KAT6B: variants seen among roughly 807,000 people sequenced by gnomAD.
KAT6B encodes the protein lysine acetyltransferase 6B, also known as histone acetyltransferase KAT6B.
In KAT6B, 10 loss-of-function variants were observed where a neutral mutation model predicts 187.5. The ratio of observed to expected loss-of-function variants is 0.05; its 90% CI spans 0.03 to 0.09. KAT6B has a LOEUF of 0.09. Ranked by LOEUF, KAT6B falls within the 10% of genes least tolerant of loss-of-function variation. KAT6B has a pLI of 1.00. For missense variants in KAT6B, 1,952 were observed against 2,558.9 expected, an observed-to-expected ratio of 0.76 and a Z score of 5.12; for synonymous variants, 861 against 926.8, an observed-to-expected ratio of 0.93 and a Z score of 1.29.
chr10:74,914,818 C>A (rs982463679), intron 3 of KAT6B, among the ~76,000 whole-genome samples: 1 of 151,920 alleles, frequency 6.6e-6, no homozygotes, highest in African/African-American at 2.4e-5. Flanking sequence ...TGGCTGGGTG[C>A]GGTGGCTTCA....
chr10:75,030,556 A>C lies in KAT6B; in HGVS notation c.5732A>C (p.Gln1911Pro), dbSNP rs768183621. 1.9e-6 allele frequency: 3 copies of C among 1,608,518 alleles called. No individual in the cohort carries two copies. The South Asian group carries it at 3.3e-5, about 18-fold the overall frequency. The change falls in exon 18 of 18, where the codon CAA (glutamine) becomes CCA (proline). Residue 1911 changes from glutamine (Q) to proline (P), a missense_variant. By Grantham distance (76) the Gln-to-Pro change is moderately conservative. Coordinates refer to ENST00000287239, the MANE Select transcript of KAT6B (RefSeq NM_012330.4). The surrounding 1 kb of genome is among the most constrained non-coding windows in gnomAD (Gnocchi z 4.8). ...AASNIGISHS[Q>P]RLQTQIASKG... is the part of the protein sequence containing the mutation. ...TCAAATATTGGCATCTCTCACAGCCAAAGACTGCAAACCCAGATTGCCAGC... is the reference window on the plus strand; with the variant it reads ...TCAAATATTGGCATCTCTCACAGCCCAAGACTGCAAACCCAGATTGCCAGC...
At chr10:74,901,598 TAA>T in intron 3 of KAT6B, among the ~76,000 whole-genome samples, 1 of 152,220 alleles carries the variant, frequency 6.6e-6, no homozygotes, top group Non-Finnish European at 1.5e-5. Flanking sequence ...CACTTTGAAT[TAA>T]ACTCTGAGTG....
chr10:74,838,521 T>G (rs1385858395), intron 1 of KAT6B, among the ~76,000 whole-genome samples, 162 bp from the exon 2 acceptor site: 1 of 152,162 alleles, frequency 6.6e-6, no homozygotes, highest in Non-Finnish European at 1.5e-5. Context: ...TTCATATTTA[T>G]AAGAATCCTT....
chr10:74,931,810 A>G (rs931433921), intron 3 of KAT6B, among the ~76,000 whole-genome samples: 3 of 152,208 alleles, frequency 2.0e-5, no homozygotes, highest in African/African-American at 7.2e-5. Flanking sequence ...TCCTGGGTTC[A>G]AGCGATTCTT....
chr10:74,869,574 C>T (rs1238430373), intron 3 of KAT6B, among the ~76,000 whole-genome samples: 4 of 152,240 alleles, frequency 2.6e-5, no homozygotes, highest in Non-Finnish European at 5.9e-5. Flanking sequence ...GCGTGAGCCA[C>T]CACGCCTGGC....
chr10:74,977,009 A>G (rs1842204761), intron 8 of KAT6B: 1 of 327,164 alleles, frequency 3.1e-6, no homozygotes. Flanking sequence ...CTATAACTAG[A>G]CATCGATAAA....
At chr10:74,833,381 G>A (rs1305374833) in intron 1 of KAT6B, among the ~76,000 whole-genome samples, 1 of 152,104 alleles carries the variant, frequency 6.6e-6, no homozygotes, top group African/African-American at 2.4e-5. Context: ...GACTTCAAAT[G>A]ACTTTTCATC....
In KAT6B at chr10:74,969,740, A is replaced by G; in HGVS notation, c.811A>G (p.Thr271Ala). 6.2e-7 allele frequency: 1 copy of G among 1,613,926 alleles called. No individual in the cohort carries two copies. Among genetic ancestry groups the G allele is most frequent in the Admixed American group, 1.7e-5 (1 of 60,036 alleles). ...ALRWQCIECK[T>A]CSACRVQGRN... ...AAGGTGGCAGTGCATCGAATGCAAG[A>G]CATGCAGTGCCTGTAGAGTCCAAGG... The change falls in exon 5 of 18, where the codon ACA (threonine) becomes GCA (alanine). Residue 271 changes from threonine to alanine, a missense_variant. By Grantham distance (58) the Thr-to-Ala change is moderately conservative (BLOSUM62 0). This residue lies in a region of KAT6B where 24 missense variants were observed against 42.7 expected (regional missense o/e 0.56). Transcript: ENST00000287239.
At chr10:74,852,898 A>G (rs545635751) in intron 3 of KAT6B, among the ~76,000 whole-genome samples, 23 of 152,312 alleles carry the variant, frequency 1.5e-4, no homozygotes, top group East Asian at 7.7e-4. Flanking sequence ...TGATACTTTC[A>G]GTGCTAAGAA....
At chr10:74,994,803 TAAAAA>T (rs79401012) in intron 13 of KAT6B, among the ~76,000 whole-genome samples, 1 of 135,984 alleles carries the variant, frequency 7.4e-6, no homozygotes, top group Non-Finnish European at 1.6e-5. Flanking sequence ...CTTCATCTGT[TAAAAA>T]AAAAAAAAAA....
chr10:74,979,242 G>T lies in KAT6B; in HGVS notation c.2134G>T (p.Gly712Trp), dbSNP rs530449640. 9 of 1,611,954 alleles carry T rather than the reference G, an allele frequency of 5.6e-6. No homozygotes were observed. The highest frequency in any genetic ancestry group is 5.0e-5 in the Admixed American group (3 of 59,968). The stretch of plus-strand genomic sequence containing the variant: ...TTGACAGAAAATAGAGTGTGAGAGT[G>T]GGGTGGAAGACTGTGGCCGGTACCC... ...LSWEKIECES[G>W]VEDCGRYPSV... The change falls in exon 10 of 18, where the codon GGG becomes TGG. Residue 712 changes from glycine to tryptophan, a missense_variant. Coordinates refer to ENST00000287239, the MANE Select transcript of KAT6B (RefSeq NM_012330.4).
chr10:74,981,741 C>A, intron 10 of KAT6B, 46 bp from the exon 11 acceptor site: 1 of 1,288,116 alleles, frequency 7.8e-7, no homozygotes, highest in Non-Finnish European at 1.1e-6. Flanking sequence ...TTCCCCCCAA[C>A]AGTATAATCT....
intron 3 of KAT6B, among the ~76,000 whole-genome samples, chr10:74,854,981 C>T (rs1842722727): frequency 6.6e-6 from 1 of 152,146 alleles, no homozygotes; most frequent in Admixed American, 6.6e-5. Context: ...CCCATCAAGT[C>T]GGTCTTTTGT....
chr10:74,942,161 T>TA (rs1849717817), intron 3 of KAT6B, among the ~76,000 whole-genome samples: 1 of 151,564 alleles, frequency 6.6e-6, no homozygotes, highest in South Asian at 2.1e-4. Context: ...AGAAATAAAA[T>TA]AAAAACGAAA....
chr10:74,836,171 A>G (rs1190728028), intron 1 of KAT6B, among the ~76,000 whole-genome samples: 2 of 152,172 alleles, frequency 1.3e-5, no homozygotes, highest in Admixed American at 6.5e-5. Context: ...TTATAGTTGT[A>G]TAGTATTCTA....
At chr10:74,865,065 A>C (rs989349999) in intron 3 of KAT6B, among the ~76,000 whole-genome samples, 1 of 152,220 alleles carries the variant, frequency 6.6e-6, no homozygotes, top group African/African-American at 2.4e-5. Flanking sequence ...CCTGAGTCTC[A>C]CTTACCTTAT....
intron 3 of KAT6B, among the ~76,000 whole-genome samples, chr10:74,909,223 TA>T (rs755948586): frequency 1.3e-5 from 2 of 152,106 alleles, no homozygotes; most frequent in Non-Finnish European, 2.9e-5. Flanking sequence ...ATACAAAAAT[TA>T]GCTGGGCGTG....
At chr10:74,842,439 C>T (rs908589469) in intron 2 of KAT6B, among the ~76,000 whole-genome samples, 161 bp from the exon 3 acceptor site, 1 of 152,118 alleles carries the variant, frequency 6.6e-6, no homozygotes, top group Non-Finnish European at 1.5e-5. Flanking sequence ...GACCCAATTT[C>T]TTGTTGAAAA....
chr10:75,000,513 C>T (rs1291396828), intron 13 of KAT6B, among the ~76,000 whole-genome samples: 1 of 152,000 alleles, frequency 6.6e-6, no homozygotes, highest in Non-Finnish European at 1.5e-5. Flanking sequence ...GGCAGACGGA[C>T]GTGTAACTAA....
Sources: allele counts gnomAD v4.1 joint callset (sites outside exome capture counted in the v4.1 genomes callset), GRCh38; gene constraint gnomAD v4.1.1; regional missense constraint gnomAD v4.1.1; non-coding constraint Gnocchi (gnomAD v3.1); transcripts MANE v1.5; gene names NCBI Gene and HGNC (gene_info 2026-07-23, HGNC 2026-07-21).